SOHLH2: variants seen among roughly 807,000 people sequenced by gnomAD.
The protein encoded by SOHLH2 is spermatogenesis and oogenesis specific basic helix-loop-helix 2, also known as spermatogenesis- and oogenesis-specific basic helix-loop-helix-containing protein 2.
Under a neutral mutation model 50.4 loss-of-function variants are expected in SOHLH2, and 22 were observed. The observed-to-expected ratio is 0.44, with a 90% CI of 0.31 to 0.62. The LOEUF (loss-of-function observed/expected upper bound fraction) is 0.62. Among genes scored for constraint, SOHLH2 ranks in the 20% least tolerant of loss-of-function variants. The pLI, the probability that SOHLH2 is intolerant of heterozygous loss-of-function variation, is 0.08. For missense variants in SOHLH2, 412 were observed against 504.4 expected (o/e 0.82, Z 1.76); for synonymous variants, 185 against 187.3 (o/e 0.99, Z 0.10).
chr13:36,201,273 A>G (rs1182912606), intron 2 of SOHLH2, among the ~76,000 whole-genome samples: 1 of 152,104 alleles, frequency 6.6e-6, no homozygotes, highest in African/African-American at 2.4e-5. Context: ...GGAAAGATGT[A>G]CCATTTTAAT....
At chr13:36,202,765 G>A (rs116690095) in intron 1 of SOHLH2, among the ~76,000 whole-genome samples, 4,686 of 152,246 alleles carry the variant, frequency 0.031, 100 homozygotes, top group African/African-American at 0.056. Context: ...TTAAATTAAT[G>A]GAAATAGAAG....
Position 36,214,551 on chromosome 13 carries a change from T to C in SOHLH2, c.-25A>G, listed in dbSNP as rs1869330979. 1.2e-6 allele frequency: 2 copies of C among 1,606,378 alleles called. No homozygotes were observed. The highest frequency in any genetic ancestry group is 1.7e-5 in the Admixed American group (1 of 59,284). ...TGGCCGCTGCGCACGTGCTGGGTCC[T>C]GGGGCAGCCTCCCAGCAGGAGGAGC... On this transcript the variant is annotated 5_prime_UTR_variant, in exon 1 of 11. Coordinates refer to ENST00000379881, the MANE Select transcript of SOHLH2 (RefSeq NM_017826.3).
intron 1 of SOHLH2, among the ~76,000 whole-genome samples, chr13:36,205,908 C>A (rs537090692): frequency 6.6e-6 from 1 of 151,908 alleles, no homozygotes; most frequent in South Asian, 2.1e-4. Context: ...AGTTTCTCAC[C>A]TTCTCTTAAA....
intron 2 of SOHLH2, among the ~76,000 whole-genome samples, chr13:36,194,293 TA>T (rs11327317): frequency 0.011 from 1,725 of 151,954 alleles, 34 homozygotes; most frequent in African/African-American, 0.04. Flanking sequence ...ACTCACAGTT[TA>T]AAAAAAATCA....
chr13:36,193,200 C>T (rs1238048822), intron 4 of SOHLH2, among the ~76,000 whole-genome samples: 1 of 152,152 alleles, frequency 6.6e-6, no homozygotes, highest in Non-Finnish European at 1.5e-5. Context: ...ACAGAAAGGG[C>T]AACCACCCTA....
chr13:36,213,425 TAA>T (rs906277985), intron 1 of SOHLH2, among the ~76,000 whole-genome samples: 3 of 152,128 alleles, frequency 2.0e-5, no homozygotes, highest in Non-Finnish European at 4.4e-5. Context: ...GAGATGAAAT[TAA>T]GTTTGCAGAG....
chr13:36,180,207 A>C (rs2138277452), intron 6 of SOHLH2, among the ~76,000 whole-genome samples: 2 of 152,276 alleles, frequency 1.3e-5, no homozygotes, highest in South Asian at 4.1e-4. Context: ...TTTTGTATTT[A>C]AATATTTAGA....
chr13:36,170,514 G>A lies in SOHLH2; in HGVS notation c.1257+17C>T. On this transcript the variant is annotated intron_variant, in intron 10 of 10. Coordinates refer to ENST00000379881, the MANE Select transcript of SOHLH2 (RefSeq NM_017826.3). ...GTGAAAGGGTCCAATCTGATCCATG[G>A]ACCCCTGGAAACTTACCAGACAGTT... 1 of 1,610,842 alleles carries A rather than the reference G, an allele frequency of 6.2e-7. No individual in the cohort carries two copies. Among genetic ancestry groups the A allele is most frequent in the East Asian group, 2.2e-5 (1 of 44,820 alleles).
At chr13:36,169,167 A>G (rs1252374826) in intron 10 of SOHLH2, 113 bp from the exon 11 acceptor site, 1 of 1,405,868 alleles carries the variant, frequency 7.1e-7, no homozygotes, top group Non-Finnish European at 9.3e-7. Flanking sequence ...TTGCAAAACT[A>G]TGTTAAATCC....
At chr13:36,184,460 C>CTTTTTTTTTGTTTTTTTTTTTTTT (rs1887348485) in intron 6 of SOHLH2, among the ~76,000 whole-genome samples, 1 of 121,138 alleles carries the variant, frequency 8.3e-6, no homozygotes, top group Non-Finnish European at 1.8e-5. Context: ...CTACAAAGAC[C>CTTTTTTTTTGTTTTTTTTTTTTTT]TTTTTTTTTT....
At chr13:36,192,322 G>A (rs1887599236) in intron 4 of SOHLH2, among the ~76,000 whole-genome samples, 1 of 152,100 alleles carries the variant, frequency 6.6e-6, no homozygotes, top group African/African-American at 2.4e-5. Context: ...GAGCAAAGAC[G>A]AGACAACTGG....
chr13:36,170,882 C>T, intron 9 of SOHLH2, 95 bp from the exon 10 acceptor site: 1 of 1,522,852 alleles, frequency 6.6e-7, no homozygotes, highest in African/African-American at 1.4e-5. Context: ...TATTTCATTT[C>T]CTCACATTAC....
chr13:36,174,547 G>A lies in SOHLH2; in HGVS notation c.810C>T (p.Ser270=), dbSNP rs766218515. Residue 270 remains serine (S), a synonymous_variant, in exon 8 of 11, where the codon AGC becomes AGT. Coordinates refer to ENST00000379881, the MANE Select transcript of SOHLH2 (RefSeq NM_017826.3). ...VMAQITEALQ[S]NMRFCKKQQT... ...GTTGTTTCTTACAAAACCTCATGTT[G>A]CTCTGAAGTGCTTCTGTAATCTAAA... is the stretch of plus-strand genomic sequence containing the variant. 1.2e-6 allele frequency: 2 copies of A among 1,614,130 alleles called. No homozygotes were observed. Among genetic ancestry groups the A allele is most frequent in the Non-Finnish European group, 1.7e-6 (2 of 1,180,032 alleles).
intron 6 of SOHLH2, chr13:36,183,305 G>C (rs947429890): frequency 4.5e-5 from 8 of 176,912 alleles, no homozygotes; most frequent in South Asian, 2.5e-4. Flanking sequence ...ATATGTAAAA[G>C]TAAAATGTAT....
intron 1 of SOHLH2, 48 bp downstream of exon 1, chr13:36,214,431 G>A (rs546403685): frequency 2.6e-5 from 42 of 1,593,384 alleles, no homozygotes; most frequent in South Asian, 1.3e-4. Context: ...CCTAGGGCCC[G>A]CCCGCGAGGT....
At chr13:36,205,508 A>AT (rs917678479) in intron 1 of SOHLH2, among the ~76,000 whole-genome samples, 6 of 151,712 alleles carry the variant, frequency 4.0e-5, no homozygotes, top group Middle Eastern at 3.4e-3. Context: ...GTATAACATG[A>AT]TTTTTTTTTA....
chr13:36,183,851 C>A (rs1446455056), intron 6 of SOHLH2, among the ~76,000 whole-genome samples: 1 of 152,014 alleles, frequency 6.6e-6, no homozygotes, highest in Non-Finnish European at 1.5e-5. Flanking sequence ...ATAAGTGGGT[C>A]AATTCAGCAA....
chr13:36,180,167 T>A (rs144508663), intron 6 of SOHLH2, among the ~76,000 whole-genome samples: 226 of 152,360 alleles, frequency 1.5e-3, no homozygotes, highest in African/African-American at 5.2e-3. Context: ...TTGTAGAATC[T>A]ACTGGCATAA....
Position 36,188,834 on chromosome 13 carries a change from C to T in SOHLH2, c.641+1112G>A, listed in dbSNP as rs553675065. Reference sequence around the variant, plus strand: ...CGTGCTTCCCACAATCATCCTATATCCATCCCTATGTCCACTGCTTCAAAG... The same window carrying T: ...CGTGCTTCCCACAATCATCCTATATTCATCCCTATGTCCACTGCTTCAAAG... On this transcript the variant is annotated intron_variant, in intron 6 of 10. Coordinates refer to ENST00000379881, the MANE Select transcript of SOHLH2 (RefSeq NM_017826.3). Among the ~76,000 whole-genome samples, 6 of 152,276 alleles carry T rather than the reference C, an allele frequency of 3.9e-5. No individual in the cohort carries two copies. In the South Asian group the frequency reaches 1.2e-3, roughly 32 times the overall value.
Sources: gnomAD v4.1 joint callset for allele counts (sites outside exome capture counted in the v4.1 genomes callset) on GRCh38, gnomAD v4.1.1 for gene constraint, MANE v1.5 for transcripts, NCBI Gene and HGNC (gene_info 2026-07-23, HGNC 2026-07-21) for gene names.